SCARA3: variants seen among roughly 807,000 people sequenced by gnomAD.
SCARA3 encodes the protein scavenger receptor class A member 3.
A neutral mutation model predicts 47.0 loss-of-function variants in SCARA3; 39 were observed. That is an observed-to-expected ratio of 0.83 (90% CI 0.64 to 1.08). The LOEUF (loss-of-function observed/expected upper bound fraction) is 1.08. Ranked by LOEUF, SCARA3 falls within the 50% of genes least tolerant of loss-of-function variation. The pLI is 0.00. For missense variants in SCARA3, 724 were observed against 792.3 expected (o/e 0.91, Z 1.04); for synonymous variants, 356 against 334.1 (o/e 1.07, Z -0.71).
chr8:27,682,854 G>A, the SCARA3 span, among the ~76,000 whole-genome samples: 4 of 152,008 alleles, frequency 2.6e-5, no homozygotes, highest in Non-Finnish European at 4.4e-5. Context: ...TAACTACTTT[G>A]AAAAACAGTT....
At chr8:27,701,099 CA>C in the SCARA3 span, 1 of 144,018 alleles carries the variant, frequency 6.9e-6, no homozygotes, top group Non-Finnish European at 1.5e-5. Flanking sequence ...AAAAAAAAAA[CA>C]AAAAAACTAG....
At chr8:27,642,294 G>C (rs537761499) in intron 1 of SCARA3, among the ~76,000 whole-genome samples, 1 of 152,188 alleles carries the variant, frequency 6.6e-6, no homozygotes, top group East Asian at 1.9e-4. Context: ...AATTGGAATA[G>C]GATAGAAAAA....
chr8:27,651,698 C>T, intron 3 of SCARA3, 71 bp downstream of exon 3: 2 of 1,579,512 alleles, frequency 1.3e-6, no homozygotes, highest in Non-Finnish European at 1.7e-6. Flanking sequence ...CAAAAGTTCC[C>T]CTGCAAAGAC....
chr8:27,696,107 T>A, the SCARA3 span, among the ~76,000 whole-genome samples: 24 of 151,866 alleles, frequency 1.6e-4, no homozygotes, highest in African/African-American at 5.8e-4. Flanking sequence ...ACTCCTGGGC[T>A]CAAGCAATCC....
chr8:27,636,678 T>G (rs1248091501), intron 1 of SCARA3, among the ~76,000 whole-genome samples: 1 of 152,142 alleles, frequency 6.6e-6, no homozygotes, highest in Non-Finnish European at 1.5e-5. Flanking sequence ...GATTCCTGTC[T>G]ACGGAGGCCC....
the SCARA3 span, among the ~76,000 whole-genome samples, chr8:27,704,081 C>G: frequency 1.3e-5 from 2 of 151,092 alleles, no homozygotes; most frequent in Non-Finnish European, 3.0e-5. Flanking sequence ...AGAGGAACAT[C>G]CAAAGTAAGG....
chr8:27,714,193 C>T, the SCARA3 span, among the ~76,000 whole-genome samples: 682 of 114,124 alleles, frequency 6.0e-3, 9 homozygotes, highest in African/African-American at 0.024. Flanking sequence ...TCAGGTATTC[C>T]TTTTTTTTTT....
intron 5 of SCARA3, among the ~76,000 whole-genome samples, chr8:27,664,047 T>A (rs1801965891): frequency 6.6e-6 from 1 of 152,242 alleles, no homozygotes; most frequent in Non-Finnish European, 1.5e-5. Context: ...AGAAGGGATA[T>A]CTGTCTCCAC....
At chr8:27,675,834 C>A (rs74638019), downstream of SCARA3, among the ~76,000 whole-genome samples, 1 of 151,488 alleles carries the variant, frequency 6.6e-6, no homozygotes, top group East Asian at 2.0e-4. Context: ...GGGCCTCCCC[C>A]CCAGAAACTC....
At chr8:27,639,513 G>A (rs1801336615) in intron 1 of SCARA3, among the ~76,000 whole-genome samples, 1 of 152,118 alleles carries the variant, frequency 6.6e-6, no homozygotes, top group Admixed American at 6.5e-5. Context: ...TGGGGGAAGA[G>A]TGTTTGGTGG....
the SCARA3 span, among the ~76,000 whole-genome samples, chr8:27,687,646 C>A: frequency 6.6e-6 from 1 of 151,980 alleles, no homozygotes; most frequent in Admixed American, 6.6e-5. Context: ...AATAAAGAAA[C>A]CTAAATAGTA....
chr8:27,706,524 C>T, the SCARA3 span, among the ~76,000 whole-genome samples: 1 of 152,034 alleles, frequency 6.6e-6, no homozygotes, highest in Non-Finnish European at 1.5e-5. Flanking sequence ...ATGAGATGAT[C>T]AGATTTCTGT....
rs1448315994 is a variant in SCARA3 at position 27,658,937 on chromosome 8, A to G, written c.767A>G (p.Gln256Arg). The change falls in exon 5 of 6, where the codon CAG becomes CGG. Residue 256 changes from glutamine to arginine, a missense_variant. Gln to Arg is a conservative substitution (Grantham distance 43, BLOSUM62 1). Transcript: ENST00000301904. Reference protein sequence around the residue: ...LTLQKIVTDWQNYTRLFSGLR... With the variant: ...LTLQKIVTDWRNYTRLFSGLR... ...CTCCAGAAGATTGTCACCGACTGGC[A>G]GAACTACACACGGCTCTTCAGCGGC... is the stretch of plus-strand genomic sequence containing the variant. 1 of 1,614,034 alleles carries G rather than the reference A, an allele frequency of 6.2e-7. No individual in the cohort carries two copies. The highest frequency in any genetic ancestry group is 8.5e-7 in the Non-Finnish European group (1 of 1,180,044).
At chr8:27,675,864 C>T (rs563417549), downstream of SCARA3, among the ~76,000 whole-genome samples, 96 of 94,090 alleles carry the variant, frequency 1.0e-3, no homozygotes, top group Middle Eastern at 0.019. Context: ...ATCAGGGACG[C>T]GGTGGGATGG....
chr8:27,685,654 G>A, the SCARA3 span, among the ~76,000 whole-genome samples: 9 of 152,178 alleles, frequency 5.9e-5, no homozygotes, highest in African/African-American at 2.2e-4. Context: ...AGCAGTGGAA[G>A]TATTCTATTT....
the SCARA3 span, among the ~76,000 whole-genome samples, chr8:27,704,629 CTAGAGGGAAG>C: frequency 9.9e-5 from 15 of 152,202 alleles, no homozygotes; most frequent in East Asian, 2.9e-3. Flanking sequence ...TTGGGCTGGA[CTAGAGGGAAG>C]TTTCCTGAAC....
At position 27,634,564 on chromosome 8, in the gene SCARA3, C is replaced by T. The variant is rs548611487; in HGVS notation, c.7+357C>T. 4.6e-5 allele frequency among the ~76,000 whole-genome samples: 7 copies of T among 152,280 alleles called. No individual in the cohort carries two copies. In the South Asian group the frequency reaches 1.5e-3, roughly 32 times the overall value. On this transcript the variant is annotated intron_variant, in intron 1 of 5. Transcript: ENST00000301904. Reference sequence around the variant, plus strand: ...ACTTTCCAGCAGTGTAAATTTCGACCCTGGGGACCCATCAGAGAGGCCCCT... The same window carrying T: ...ACTTTCCAGCAGTGTAAATTTCGACTCTGGGGACCCATCAGAGAGGCCCCT...
chr8:27,640,224 C>A (rs1801354511), intron 1 of SCARA3, among the ~76,000 whole-genome samples: 2 of 152,006 alleles, frequency 1.3e-5, no homozygotes, highest in Admixed American at 1.3e-4. Flanking sequence ...TTTTAAAAAT[C>A]AAAAAATTCC....
chr8:27,656,991 C>T (rs1801757972), intron 4 of SCARA3, 111 bp downstream of exon 4: 1 of 718,494 alleles, frequency 1.4e-6, no homozygotes, highest in Admixed American at 2.0e-5. Flanking sequence ...GCCTTCTAGG[C>T]ACAGAGGCTA....
Sources: gnomAD v4.1 joint callset for allele counts (sites outside exome capture counted in the v4.1 genomes callset) on GRCh38, gnomAD v4.1.1 for gene constraint, MANE v1.5 for transcripts, NCBI Gene and HGNC (gene_info 2026-07-23, HGNC 2026-07-21) for gene names.